Variants in GLDN observed in about 807,000 individuals in gnomAD.
The protein encoded by GLDN is collomin.
In GLDN, 47 loss-of-function variants were observed where a neutral mutation model predicts 56.5. The ratio of observed to expected loss-of-function variants is 0.83; its 90% CI spans 0.66 to 1.06. The LOEUF (loss-of-function observed/expected upper bound fraction) is 1.06. GLDN is among the 50% of genes least tolerant of loss of function. The pLI is 0.00. For synonymous variants in GLDN, 332 were observed against 278.8 expected (o/e 1.19, Z -1.90); for missense variants, 782 against 714.3 (o/e 1.09, Z -1.08).
chr15:51,385,907 A>G (rs2037880539), intron 4 of GLDN, among the ~76,000 whole-genome samples: 1 of 152,160 alleles, frequency 6.6e-6, no homozygotes, highest in South Asian at 2.1e-4. Context: ...AAGAACTGTG[A>G]TTTGTACTCA....
chr15:51,401,464 A>C, intron 8 of GLDN, 129 bp from the exon 9 acceptor site: 1 of 776,508 alleles, frequency 1.3e-6, no homozygotes, highest in South Asian at 1.7e-5. Context: ...GACTCTTCAC[A>C]CTGGACAAGG....
intron 6 of GLDN, among the ~76,000 whole-genome samples, chr15:51,398,718 C>A (rs1050125027): frequency 6.6e-6 from 1 of 152,238 alleles, no homozygotes; most frequent in African/African-American, 2.4e-5. Flanking sequence ...TGTGAGACCA[C>A]GGCACAGCTG....
At chr15:51,355,684 C>G (rs144385583) in intron 1 of GLDN, among the ~76,000 whole-genome samples, 9,076 of 150,702 alleles carry the variant, frequency 0.06, 906 homozygotes, top group African/African-American at 0.21. Flanking sequence ...CCAACACACC[C>G]GGCTAATCTT....
rs1452126879 is a variant in GLDN, at chr15:51,367,993, A to C, written c.364-9456A>C. ...TCCAAGGTCCTGTTTTCTAGGGATT[A>C]TTGGAGTAGCTGCAAAAATAAAATT... On this transcript the variant is annotated intron_variant, in intron 1 of 9. Transcript: ENST00000335449. Among the ~76,000 whole-genome samples the C allele has an allele frequency of 2.6e-5, 4 of 152,318 alleles. No homozygotes were observed. In the East Asian group the frequency reaches 7.7e-4, roughly 29 times the overall value.
chr15:51,385,369 TC>T (rs2037867939), intron 4 of GLDN: 1 of 152,106 alleles, frequency 6.6e-6, no homozygotes, highest in African/African-American at 2.4e-5. Context: ...AGGATGTGCT[TC>T]GCATGCAGCC....
At chr15:51,383,130 A>T (rs2037803414) in intron 2 of GLDN, among the ~76,000 whole-genome samples, 1 of 152,208 alleles carries the variant, frequency 6.6e-6, no homozygotes, top group Admixed American at 6.5e-5. Context: ...GGCCACCAGC[A>T]TTGTTACTGG....
Position 51,383,819 on chromosome 15 carries a change from C to T in GLDN, c.468C>T (p.Asn156=), listed in dbSNP as rs138735158. The change falls in exon 4 of 10, where the codon AAC becomes AAT. Residue 156 remains asparagine (N), a synonymous_variant. Transcript: ENST00000335449. ...GAGCCGGCGGGTTGCCAGGACACAA[C>T]GGATTGGATGGACAGCCTGGTCCTC... ...PPGAGGLPGH[N]GLDGQPGPQG... 4,778 of 1,612,054 alleles carry T rather than the reference C, an allele frequency of 3.0e-3. 179 individuals carry two copies. In the South Asian group the frequency reaches 0.045, roughly 15 times the overall value.
intron 9 of GLDN, among the ~76,000 whole-genome samples, chr15:51,401,966 A>G (rs554510209): frequency 1.3e-5 from 2 of 152,282 alleles, no homozygotes; most frequent in African/African-American, 4.8e-5. Flanking sequence ...GCTGGTCTGG[A>G]CAGCCCGAGG....
chr15:51,375,758 T>G (rs979241876), intron 1 of GLDN, among the ~76,000 whole-genome samples: 1 of 152,192 alleles, frequency 6.6e-6, no homozygotes, highest in Non-Finnish European at 1.5e-5. Flanking sequence ...ACTGAGCAGG[T>G]GCATTCCTCA....
intron 1 of GLDN, among the ~76,000 whole-genome samples, chr15:51,357,135 C>T (rs2037200946): frequency 6.6e-6 from 1 of 152,212 alleles, no homozygotes; most frequent in Non-Finnish European, 1.5e-5. Context: ...TGTAGTTGGG[C>T]AACCCTTCCA....
Position 51,375,393 on chromosome 15 carries a change from A to C in GLDN, c.364-2056A>C, listed in dbSNP as rs574075680. 1.0e-3 allele frequency among the ~76,000 whole-genome samples: 159 copies of C among 152,368 alleles called. 7 individuals are homozygous for C. In the South Asian group the frequency reaches 0.032, roughly 30 times the overall value. ...GATTATCTTAAAAGCAGCAAGAGAC[A>C]AACACATAGAAGCATTTCTGTGTGC... is the stretch of plus-strand genomic sequence containing the variant. On this transcript the variant is annotated intron_variant, in intron 1 of 9. Coordinates refer to ENST00000335449, the MANE Select transcript of GLDN (RefSeq NM_181789.4).
chr15:51,385,950 T>C (rs1267614909), intron 4 of GLDN, among the ~76,000 whole-genome samples: 1 of 152,128 alleles, frequency 6.6e-6, no homozygotes, highest in African/African-American at 2.4e-5. Context: ...AGTGGAACAG[T>C]GCTATGCCTG....
intron 4 of GLDN, chr15:51,385,512 C>G (rs2037872253): frequency 6.6e-6 from 1 of 152,174 alleles, no homozygotes; most frequent in Non-Finnish European, 1.5e-5. Context: ...GGCTTACATC[C>G]TAGCTGGGAG....
At chr15:51,387,260 TATTGGGG>T (rs2037917346) in intron 4 of GLDN, among the ~76,000 whole-genome samples, 1 of 152,254 alleles carries the variant, frequency 6.6e-6, no homozygotes. Flanking sequence ...TGTCGAGTGC[TATTGGGG>T]AACTACAAAA....
Position 51,342,005 on chromosome 15 carries a change from G to A in GLDN, c.321G>A (p.Glu107=), listed in dbSNP as rs2036894112. The A allele has an allele frequency of 1.3e-6, 2 of 1,597,672 alleles. No homozygotes were observed. Among genetic ancestry groups the A allele is most frequent in the Non-Finnish European group, 1.7e-6 (2 of 1,179,414 alleles). The stretch of plus-strand genomic sequence containing the variant: ...AGCCCGCGCCGCATATCCGCGCCGA[G>A]AGCCATGACATGCTGATGATGATGA... ...SGEPAPHIRA[E]SHDMLMMMTY... is the part of the protein sequence containing the mutation. Residue 107 remains glutamate (E), a synonymous_variant, in exon 1 of 10, where the codon GAG becomes GAA. Coordinates refer to ENST00000335449, the MANE Select transcript of GLDN (RefSeq NM_181789.4).
At chr15:51,360,616 C>T (rs2037277607) in intron 1 of GLDN, 1 of 152,294 alleles carries the variant, frequency 6.6e-6, no homozygotes, top group Admixed American at 6.5e-5. Flanking sequence ...ACTCTTCTGT[C>T]CCGGATAACT....
intron 1 of GLDN, among the ~76,000 whole-genome samples, chr15:51,355,801 G>A (rs1268664305): frequency 6.6e-6 from 1 of 150,572 alleles, no homozygotes; most frequent in Non-Finnish European, 1.5e-5. Flanking sequence ...GGGATTACAG[G>A]CGTGAGCCAC....
At chr15:51,366,328 G>A (rs2037400915) in intron 1 of GLDN, among the ~76,000 whole-genome samples, 1 of 152,220 alleles carries the variant, frequency 6.6e-6, no homozygotes, top group Non-Finnish European at 1.5e-5. Flanking sequence ...GCAACTGAGG[G>A]AAAAGCACAA....
In GLDN at chr15:51,404,999, C is replaced by A; in HGVS notation, c.*245C>A. On this transcript the variant is annotated 3_prime_UTR_variant, in exon 10 of 10. Transcript: ENST00000335449. ...TCTTTCTCCTTGGGCCTTAGTTTCC[C>A]CATTGGTAATCTGAATTGGCTAAGA... The A allele has an allele frequency of 2.6e-6, 1 of 389,068 alleles. No homozygotes were observed. Among genetic ancestry groups the A allele is most frequent in the Non-Finnish European group, 4.6e-6 (1 of 217,064 alleles). The allele number at this position is 389,068 out of a possible 1,614,324, so 24.1% of individuals were successfully genotyped here.
Sources: allele counts gnomAD v4.1 joint callset (sites outside exome capture counted in the v4.1 genomes callset), GRCh38; gene constraint gnomAD v4.1.1; transcripts MANE v1.5; gene names NCBI Gene and HGNC (gene_info 2026-07-23, HGNC 2026-07-21).